Variants in STK3 observed in about 807,000 individuals in gnomAD.
STK3 encodes the protein serine/threonine-protein kinase 3.
Under a neutral mutation model 58.0 loss-of-function variants are expected in STK3, and 41 were observed. The ratio of observed to expected loss-of-function variants is 0.71; its 90% CI spans 0.55 to 0.92. The LOEUF (loss-of-function observed/expected upper bound fraction) is 0.92. STK3 is among the 40% of genes least tolerant of loss of function. The pLI is 0.00. For synonymous variants in STK3, 170 were observed against 191.0 expected (o/e 0.89, Z 0.91); for missense variants, 479 against 602.7 (o/e 0.79, Z 2.15).
chr8:98,746,510 G>A (rs1829651718), intron 4 of STK3, among the ~76,000 whole-genome samples: 1 of 152,122 alleles, frequency 6.6e-6, no homozygotes, highest in East Asian at 1.9e-4. Flanking sequence ...CTACTCAGGA[G>A]GCTGAAGTGG....
intron 3 of STK3, among the ~76,000 whole-genome samples, chr8:98,424,744 G>T (rs1412375194): frequency 6.6e-6 from 1 of 152,226 alleles, no homozygotes; most frequent in Non-Finnish European, 1.5e-5. Flanking sequence ...AGTATGTGTA[G>T]AAGGAAGGAC....
chr8:98,611,609 C>T (rs559413398), intron 6 of STK3, among the ~76,000 whole-genome samples: 1 of 152,102 alleles, frequency 6.6e-6, no homozygotes, highest in South Asian at 2.1e-4. Context: ...ATATTAGTTT[C>T]TAACTCCAAA....
intron 1 of STK3, among the ~76,000 whole-genome samples, chr8:98,807,458 A>G (rs1833957884): frequency 6.6e-6 from 1 of 152,068 alleles, no homozygotes; most frequent in Non-Finnish European, 1.5e-5. Context: ...GGGTTTCGCC[A>G]TGTTGGCCAG....
chr8:98,641,244 T>G (rs545025810), intron 6 of STK3, among the ~76,000 whole-genome samples: 4 of 152,206 alleles, frequency 2.6e-5, no homozygotes, highest in Admixed American at 2.6e-4. Context: ...CTCCTGCTAA[T>G]TGACTTTTGA....
intron 1 of STK3, among the ~76,000 whole-genome samples, chr8:98,927,439 G>A (rs147012777): frequency 6.6e-6 from 1 of 152,304 alleles, no homozygotes; most frequent in Non-Finnish European, 1.5e-5. Context: ...CCAGAGATAC[G>A]CATATGGCAC....
At chr8:98,618,022 T>C (rs2130336947) in intron 6 of STK3, among the ~76,000 whole-genome samples, 1 of 152,016 alleles carries the variant, frequency 6.6e-6, no homozygotes, top group South Asian at 2.1e-4. Context: ...AAGAAGAATT[T>C]TAGACCAATA....
chr8:98,518,110 T>A (rs1323124738), intron 10 of STK3, among the ~76,000 whole-genome samples: 1 of 152,132 alleles, frequency 6.6e-6, no homozygotes, highest in Non-Finnish European at 1.5e-5. Context: ...TAAGTCATTT[T>A]TCTTTTGCCA....
chr8:98,914,486 ACACACACTCT>A (rs780532330), intron 1 of STK3, among the ~76,000 whole-genome samples: 4 of 142,174 alleles, frequency 2.8e-5, no homozygotes, highest in Non-Finnish European at 6.3e-5. Flanking sequence ...ACACACACAC[ACACACACTCT>A]CTCTCTCTCT....
At chr8:98,358,533 T>C in the STK3 span, among the ~76,000 whole-genome samples, 1 of 152,138 alleles carries the variant, frequency 6.6e-6, no homozygotes, top group African/African-American at 2.4e-5. Flanking sequence ...GAGGAATCTA[T>C]TTCCAGGGAT....
intron 7 of STK3, chr8:98,595,077 C>T (rs1439517913): frequency 6.6e-6 from 1 of 152,170 alleles, no homozygotes; most frequent in East Asian, 1.9e-4. Flanking sequence ...TTATTTCACA[C>T]ATGGTTAAAT....
chr8:98,872,176 C>T (rs1837402516), intron 3 of STK3, among the ~76,000 whole-genome samples: 1 of 152,206 alleles, frequency 6.6e-6, no homozygotes, highest in Non-Finnish European at 1.5e-5. Context: ...ACCAGCCTTG[C>T]ATCCCAGGGG....
At chr8:98,909,291 A>G (rs1839042633) in intron 1 of STK3, among the ~76,000 whole-genome samples, 1 of 152,212 alleles carries the variant, frequency 6.6e-6, no homozygotes, top group East Asian at 1.9e-4. Context: ...AACTATCAGG[A>G]TAGTTGACCT....
chr8:98,757,469 C>T (rs1293257845), intron 3 of STK3, among the ~76,000 whole-genome samples: 2 of 150,488 alleles, frequency 1.3e-5, no homozygotes, highest in African/African-American at 2.4e-5. Context: ...GTGGCATGCA[C>T]CTGTAATCCC....
At chr8:98,427,944 C>T in intron 3 of STK3, 1 of 1,456,608 alleles carries the variant, frequency 6.9e-7, no homozygotes, top group Non-Finnish European at 9.1e-7. Context: ...CCAGGTGTAG[C>T]GCCCCCGCGC....
chr8:98,666,133 G>A lies in STK3; in HGVS notation c.684+40334C>T, dbSNP rs565179115. Among the ~76,000 whole-genome samples, 189 of 151,770 alleles carry A rather than the reference G, an allele frequency of 1.2e-3. 1 individual carries two copies. The highest frequency in any genetic ancestry group is 4.3e-3 in the African/African-American group (177 of 41,378). ...AGAAAACTGACTCCTCATTCAAATGGCATTATATTAAACCAGAATAATCTC... is the reference window on the plus strand; with the variant it reads ...AGAAAACTGACTCCTCATTCAAATGACATTATATTAAACCAGAATAATCTC... On this transcript the variant is annotated intron_variant, in intron 6 of 10. Coordinates refer to ENST00000419617, the MANE Select transcript of STK3 (RefSeq NM_006281.4).
chr8:98,692,710 A>G (rs192764184), intron 6 of STK3, among the ~76,000 whole-genome samples: 86 of 152,272 alleles, frequency 5.6e-4, no homozygotes, highest in Admixed American at 9.8e-4. Context: ...TAAAATGGTT[A>G]AAATGATAAA....
At chr8:98,750,092 C>T (rs543658165) in intron 3 of STK3, among the ~76,000 whole-genome samples, 1 of 152,038 alleles carries the variant, frequency 6.6e-6, no homozygotes, top group Admixed American at 6.6e-5. Flanking sequence ...TCAAAAAATG[C>T]ATAGAGATAG....
intron 6 of STK3, among the ~76,000 whole-genome samples, chr8:98,652,861 A>G (rs1821076198): frequency 6.6e-6 from 1 of 151,944 alleles, no homozygotes; most frequent in Admixed American, 6.6e-5. Context: ...AAAGAGACTT[A>G]GACTCCCACA....
At chr8:98,440,663 G>A (rs1039570956) in intron 1 of STK3, among the ~76,000 whole-genome samples, 1 of 152,140 alleles carries the variant, frequency 6.6e-6, no homozygotes, top group African/African-American at 2.4e-5. Context: ...TTACTACTGT[G>A]AGAATTCGGT....
Sources: allele counts gnomAD v4.1 joint callset (sites outside exome capture counted in the v4.1 genomes callset), GRCh38; gene constraint gnomAD v4.1.1; transcripts MANE v1.5; gene names NCBI Gene and HGNC (gene_info 2026-07-23, HGNC 2026-07-21).